Variants in EVC2 observed in about 807,000 individuals in gnomAD.
EVC2 encodes the protein limbin.
EVC2 carries 148 observed loss-of-function variants against 149.3 expected under a neutral mutation model. The observed-to-expected ratio is 0.99, with a 90% CI of 0.87 to 1.14. The LOEUF (loss-of-function observed/expected upper bound fraction) is 1.14, where lower values mean the gene tolerates loss of function less well. Among genes scored for constraint, EVC2 ranks in the 50% most tolerant of loss-of-function variants. The pLI is 0.00. For missense variants in EVC2, 1,854 were observed against 1,627.3 expected (o/e 1.14, Z -2.40); for synonymous variants, 776 against 649.9 (o/e 1.19, Z -2.95).
chr4:5,706,453 C>CATAGATACATACATAGATAGATAGATAG (rs1560243918), intron 1 of EVC2, among the ~76,000 whole-genome samples: 1 of 39,044 alleles, frequency 2.6e-5, no homozygotes, highest in African/African-American at 1.0e-4. Flanking sequence ...TAGATACATA[C>CATAGATACATACATAGATAGATAGATAG]ATACATACAT....
rs1046465942 is a variant in EVC2, at chr4:5,679,788, T to C, written c.870+1472A>G. Among the ~76,000 whole-genome samples the C allele has an allele frequency of 1.3e-5, 2 of 152,142 alleles. No homozygotes were observed. The highest frequency in any genetic ancestry group is 4.8e-5 in the African/African-American group (2 of 41,498). On this transcript the variant is annotated intron_variant, in intron 7 of 21. Coordinates refer to ENST00000344408, the MANE Select transcript of EVC2 (RefSeq NM_147127.5). The surrounding 1 kb of genome is among the most constrained non-coding windows in gnomAD (Gnocchi z 5.1). ...CCCCCCATCCCCCGACAGGTCCCAG[T>C]GTGTGATGTTCCCCTCCCTGTGACT... is the stretch of plus-strand genomic sequence containing the variant.
intron 6 of EVC2, among the ~76,000 whole-genome samples, chr4:5,683,733 G>A (rs1489823232): frequency 2.0e-5 from 3 of 151,704 alleles, no homozygotes; most frequent in African/African-American, 4.8e-5. Flanking sequence ...GCCAGGCTCT[G>A]TGGAACCACA....
At chr4:5,616,733 G>T (rs1232749559) in intron 15 of EVC2, among the ~76,000 whole-genome samples, 2 of 152,250 alleles carry the variant, frequency 1.3e-5, no homozygotes, top group Non-Finnish European at 2.9e-5. Flanking sequence ...GGGAGCTGCG[G>T]CTCCATCCGT....
intron 9 of EVC2, among the ~76,000 whole-genome samples, chr4:5,648,470 G>C (rs1717888713): frequency 6.6e-6 from 1 of 152,178 alleles, no homozygotes; most frequent in Non-Finnish European, 1.5e-5. Flanking sequence ...TTTACCGGTG[G>C]TTTGCTGTGA....
Position 5,636,308 on chromosome 4 carries a change from T to C in EVC2, c.1470+4206A>G, listed in dbSNP as rs1716886807. On this transcript the variant is annotated intron_variant, in intron 10 of 21. Transcript: ENST00000344408. The surrounding 1 kb of genome is among the most constrained non-coding windows in gnomAD (Gnocchi z 4.6). The stretch of plus-strand genomic sequence containing the variant: ...AGGCATTATATACGCATTTAAATAT[T>C]ATAGTATGAACAAATTTCAGCTCTA... Among the ~76,000 whole-genome samples the C allele has an allele frequency of 6.6e-6, 1 of 152,192 alleles. No homozygotes were observed. Among genetic ancestry groups the C allele is most frequent in the South Asian group, 2.1e-4 (1 of 4,832 alleles).
intron 7 of EVC2, among the ~76,000 whole-genome samples, chr4:5,673,661 T>C (rs1719809619): frequency 6.6e-6 from 1 of 152,210 alleles, no homozygotes; most frequent in Admixed American, 6.5e-5. Flanking sequence ...GCAGATGCCT[T>C]TGATGCATTC....
At chr4:5,560,546 C>T (rs549268853), downstream of EVC2, among the ~76,000 whole-genome samples, 5 of 152,124 alleles carry the variant, frequency 3.3e-5, no homozygotes, top group South Asian at 2.1e-4. The surrounding 1 kb of genome is among the most constrained non-coding windows in gnomAD (Gnocchi z 4.1). Context: ...GGGAAACCGC[C>T]CCCATGATCC....
downstream of EVC2, among the ~76,000 whole-genome samples, chr4:5,560,695 A>G (rs1432065587): frequency 2.6e-5 from 4 of 152,198 alleles, no homozygotes; most frequent in African/African-American, 9.7e-5. The surrounding 1 kb of genome is among the most constrained non-coding windows in gnomAD (Gnocchi z 4.1). Context: ...TAAAATAAAT[A>G]AGCTACCTTA....
At chr4:5,577,043 T>G (rs1249877212) in intron 17 of EVC2, among the ~76,000 whole-genome samples, 1 of 152,198 alleles carries the variant, frequency 6.6e-6, no homozygotes, top group Non-Finnish European at 1.5e-5. Context: ...ACCAGTACCA[T>G]CAGGGTGCCG....
Position 5,614,015 on chromosome 4 carries a change from A to G in EVC2, c.2829+1407T>C, listed in dbSNP as rs1455833234. Reference sequence around the variant, plus strand: ...AAAAGGAGACAGGTGGAAGGTAAGAACAAAAACAGCAGCTCTAAAGCATGG... The same window carrying G: ...AAAAGGAGACAGGTGGAAGGTAAGAGCAAAAACAGCAGCTCTAAAGCATGG... On this transcript the variant is annotated intron_variant, in intron 16 of 21. Coordinates refer to ENST00000344408, the MANE Select transcript of EVC2 (RefSeq NM_147127.5). This position sits in a 1 kb window ranked among gnomAD's most constrained non-coding sequence, Gnocchi z 4.7. Among the ~76,000 whole-genome samples the G allele has an allele frequency of 6.6e-6, 1 of 152,236 alleles. No individual in the cohort carries two copies. The highest frequency in any genetic ancestry group is 1.5e-5 in the Non-Finnish European group (1 of 68,032).
At chr4:5,617,645 G>A (rs1433381314) in intron 15 of EVC2, among the ~76,000 whole-genome samples, 1 of 152,204 alleles carries the variant, frequency 6.6e-6, no homozygotes, top group African/African-American at 2.4e-5. Flanking sequence ...TAGGGAGAGG[G>A]TAATTTTAGA....
chr4:5,640,691 A>G lies in EVC2; in HGVS notation c.1293T>C (p.Val431=). 1.2e-6 allele frequency: 2 copies of G among 1,614,064 alleles called. No homozygotes were observed. Among genetic ancestry groups the G allele is most frequent in the Non-Finnish European group, 1.7e-6 (2 of 1,180,004 alleles). ...SPQVERKMSA[V]FKKQFLLLEN... is the part of the protein sequence containing the mutation. Reference sequence around the variant, plus strand: ...CCAGCAATAGAAACTGCTTTTTGAAAACAGCACTCATTTTTCTCTCTACTT... The same window carrying G: ...CCAGCAATAGAAACTGCTTTTTGAAGACAGCACTCATTTTTCTCTCTACTT... The change falls in exon 10 of 22, where the codon GTT becomes GTC. Residue 431 remains valine, a synonymous_variant. Coordinates refer to ENST00000344408, the MANE Select transcript of EVC2 (RefSeq NM_147127.5). The surrounding 1 kb of genome is among the most constrained non-coding windows in gnomAD (Gnocchi z 4.6).
intron 6 of EVC2, among the ~76,000 whole-genome samples, 181 bp from the exon 7 acceptor site, chr4:5,681,494 C>T (rs377352430): frequency 1.8e-4 from 28 of 152,184 alleles, no homozygotes; most frequent in African/African-American, 6.8e-4. Context: ...TAGGATCCCT[C>T]CCTCTCTACT....
downstream of EVC2, among the ~76,000 whole-genome samples, chr4:5,557,872 C>T (rs1306067261): frequency 2.0e-5 from 3 of 151,918 alleles, no homozygotes; most frequent in African/African-American, 7.3e-5. Context: ...GATCTGTATG[C>T]AGAAAGCTAT....
In EVC2 at chr4:5,708,275, G is replaced by A. The variant is rs1263206931; in HGVS notation, c.228+11C>T. The A allele has an allele frequency of 4.7e-6, 7 of 1,477,296 alleles. No homozygotes were observed. The highest frequency in any genetic ancestry group is 1.3e-5 in the South Asian group (1 of 76,330). 91.5% of individuals were successfully genotyped at this position (1,477,296 alleles called of 1,614,324 possible). ...CAGTCAGACCGGAGCCTGGGGTCGG[G>A]CCCTCCTTACCTGCGTGCTGCTCTC... On this transcript the variant is annotated intron_variant, in intron 1 of 21. Transcript: ENST00000344408.
chr4:5,572,317 A>G (rs1004137447), intron 19 of EVC2, among the ~76,000 whole-genome samples: 3 of 152,224 alleles, frequency 2.0e-5, no homozygotes, highest in Admixed American at 6.5e-5. Context: ...TGTCTCTTCC[A>G]AAACTCATGT....
intron 20 of EVC2, 41 bp downstream of exon 20, chr4:5,568,403 C>T (rs751475024): frequency 6.5e-7 from 1 of 1,533,266 alleles, no homozygotes; most frequent in East Asian, 2.4e-5. Flanking sequence ...CCCTTGTGGA[C>T]AGGGACGTGC....
intron 21 of EVC2, among the ~76,000 whole-genome samples, chr4:5,549,049 A>C (rs1721682362): frequency 1.4e-5 from 2 of 147,724 alleles, no homozygotes; most frequent in Admixed American, 6.7e-5. Flanking sequence ...CTATCATTTA[A>C]TACTGCTTCT....
chr4:5,589,300 A>C (rs185914235), intron 16 of EVC2, among the ~76,000 whole-genome samples: 5 of 152,308 alleles, frequency 3.3e-5, no homozygotes, highest in East Asian at 3.9e-4. Flanking sequence ...GAGGCTTTCT[A>C]GTTTGGGTGG....
Sources: allele counts gnomAD v4.1 joint callset (sites outside exome capture counted in the v4.1 genomes callset), GRCh38; gene constraint gnomAD v4.1.1; non-coding constraint Gnocchi (gnomAD v3.1); transcripts MANE v1.5; gene names NCBI Gene and HGNC (gene_info 2026-07-23, HGNC 2026-07-21).